ADAM22: variants seen among roughly 807,000 people sequenced by gnomAD.
ADAM22 encodes the protein ADAM metallopeptidase domain 22.
ADAM22 carries 65 observed loss-of-function variants against 144.6 expected under a neutral mutation model. That is an observed-to-expected ratio of 0.45 (90% CI 0.37 to 0.55). The LOEUF (loss-of-function observed/expected upper bound fraction) is 0.55, where lower values mean the gene tolerates loss of function less well. Ranked by LOEUF, ADAM22 falls within the 20% of genes least tolerant of loss-of-function variation. ADAM22 has a pLI of 0.00. For synonymous variants in ADAM22, 391 were observed against 412.6 expected, an observed-to-expected ratio of 0.95 and a Z score of 0.63; for missense variants, 974 against 1,184.9, an observed-to-expected ratio of 0.82 and a Z score of 2.61.
At chr7:87,996,806 T>C (rs1411852795) in intron 3 of ADAM22, among the ~76,000 whole-genome samples, 1 of 152,258 alleles carries the variant, frequency 6.6e-6, no homozygotes, top group Non-Finnish European at 1.5e-5. Context: ...GGCTCTATAC[T>C]ATTTACTAAC....
intron 2 of ADAM22, among the ~76,000 whole-genome samples, chr7:87,970,168 G>C (rs1850086639): frequency 6.6e-6 from 1 of 152,076 alleles, no homozygotes; most frequent in Non-Finnish European, 1.5e-5. Context: ...TCTTTTGCCA[G>C]AAGTTCTCAT....
At chr7:87,960,642 A>G (rs995681993) in intron 2 of ADAM22, among the ~76,000 whole-genome samples, 9 of 152,114 alleles carry the variant, frequency 5.9e-5, no homozygotes, top group African/African-American at 1.4e-4. Context: ...TTATCATTCT[A>G]TCTTTGAATA....
At chr7:87,975,908 A>T (rs1222113362) in intron 2 of ADAM22, among the ~76,000 whole-genome samples, 1 of 152,140 alleles carries the variant, frequency 6.6e-6, no homozygotes, top group Non-Finnish European at 1.5e-5. Flanking sequence ...TCTTCCCAAA[A>T]CACAGTTGTT....
chr7:88,092,375 TAA>T (rs1820135790), intron 4 of ADAM22, among the ~76,000 whole-genome samples: 1 of 152,202 alleles, frequency 6.6e-6, no homozygotes, highest in African/African-American at 2.4e-5. Flanking sequence ...AACAAACTGA[TAA>T]AGTGTTTATT....
chr7:88,069,100 T>G (rs1036388774), intron 3 of ADAM22, among the ~76,000 whole-genome samples: 1 of 151,846 alleles, frequency 6.6e-6, no homozygotes, highest in African/African-American at 2.4e-5. Flanking sequence ...GCTCTCCCCC[T>G]CTCTCTCTGG....
chr7:88,182,538 G>A (rs1249136811), intron 29 of ADAM22, among the ~76,000 whole-genome samples: 2 of 152,072 alleles, frequency 1.3e-5, no homozygotes, highest in Non-Finnish European at 2.9e-5. Context: ...TTTTCTATCT[G>A]AGAACATTTA....
chr7:88,027,663 TGAC>T (rs1427877420), intron 3 of ADAM22, among the ~76,000 whole-genome samples: 1 of 152,224 alleles, frequency 6.6e-6, no homozygotes, highest in African/African-American at 2.4e-5. Flanking sequence ...TTTGTTCTGA[TGAC>T]TATTTGTATT....
chr7:87,967,636 G>A (rs550341235), intron 2 of ADAM22, among the ~76,000 whole-genome samples: 15 of 151,612 alleles, frequency 9.9e-5, no homozygotes, highest in African/African-American at 2.7e-4. Context: ...GGTGAAACCC[G>A]TCTCTACTAA....
Position 88,181,552 on chromosome 7 carries a change from A to C in ADAM22, c.2543A>C (p.Lys848Thr), listed in dbSNP as rs1847026061. The change falls in exon 28 of 32, where the codon AAA becomes ACA. Residue 848 changes from lysine to threonine, a missense_variant. Physicochemically the swap from Lys to Thr is moderately conservative, Grantham distance 78. This residue lies in a region of ADAM22 where 734 missense variants were observed against 950.6 expected (regional missense o/e 0.77). Transcript: ENST00000413139. Reference protein sequence around the residue: ...HSWSERIPDTKHISDICENGR... With the variant: ...HSWSERIPDTTHISDICENGR... Reference sequence around the variant, plus strand: ...TGGAGTGAAAGGATTCCAGACACAAAACATATTTCAGACATCTGTGAAAAT... The same window carrying C: ...TGGAGTGAAAGGATTCCAGACACAACACATATTTCAGACATCTGTGAAAAT... The C allele has an allele frequency of 6.2e-7, 1 of 1,613,924 alleles. No homozygotes were observed. Among genetic ancestry groups the C allele is most frequent in the East Asian group, 2.2e-5 (1 of 44,876 alleles).
chr7:88,150,044 A>G (rs1409197498), intron 18 of ADAM22, among the ~76,000 whole-genome samples: 1 of 152,196 alleles, frequency 6.6e-6, no homozygotes, highest in African/African-American at 2.4e-5. Flanking sequence ...GTGAATGTGA[A>G]GTTTCTTGCT....
chr7:88,091,669 C>T (rs1181195117), intron 4 of ADAM22, among the ~76,000 whole-genome samples: 1 of 152,132 alleles, frequency 6.6e-6, no homozygotes, highest in Non-Finnish European at 1.5e-5. Flanking sequence ...GTTTAACTAA[C>T]TTGCCCAAGA....
intron 3 of ADAM22, among the ~76,000 whole-genome samples, chr7:87,991,512 G>A (rs1418464798): frequency 7.2e-5 from 11 of 151,878 alleles, no homozygotes; most frequent in Admixed American, 3.9e-4. Flanking sequence ...GACTACAGGC[G>A]CCCGCCACCG....
intron 3 of ADAM22, among the ~76,000 whole-genome samples, chr7:88,011,888 T>C (rs1795516220): frequency 6.6e-6 from 1 of 152,208 alleles, no homozygotes. Context: ...GTTTAGTCAT[T>C]AACTTTGGAA....
chr7:88,195,698 TAG>T (rs1463196518), intron 31 of ADAM22, among the ~76,000 whole-genome samples: 2 of 151,680 alleles, frequency 1.3e-5, no homozygotes, highest in Non-Finnish European at 2.9e-5. Flanking sequence ...TTTGTATTTT[TAG>T]TAAAGACGGG....
intron 3 of ADAM22, among the ~76,000 whole-genome samples, chr7:87,981,364 C>T (rs547073756): frequency 1.3e-5 from 2 of 152,258 alleles, no homozygotes; most frequent in South Asian, 4.1e-4. Flanking sequence ...TTTACAGATT[C>T]TCAGCTTCTT....
chr7:88,086,155 G>A (rs1248699404), intron 4 of ADAM22, among the ~76,000 whole-genome samples: 5 of 152,138 alleles, frequency 3.3e-5, no homozygotes, highest in South Asian at 4.1e-4. Context: ...CAGCCTGGGC[G>A]ACAGAGCAAG....
intron 3 of ADAM22, among the ~76,000 whole-genome samples, chr7:88,037,043 A>G (rs374673968): frequency 1.3e-5 from 2 of 152,146 alleles, no homozygotes; most frequent in East Asian, 3.8e-4. Context: ...GTTCCATAAT[A>G]TGCAAAAGAA....
At chr7:88,115,110 T>G (rs532549653) in intron 6 of ADAM22, among the ~76,000 whole-genome samples, 1 of 152,220 alleles carries the variant, frequency 6.6e-6, no homozygotes, top group Non-Finnish European at 1.5e-5. Flanking sequence ...CCAGGTGTGG[T>G]GGCATGCGCC....
At chr7:88,170,102 A>G (rs1843947133) in intron 25 of ADAM22, among the ~76,000 whole-genome samples, 1 of 151,958 alleles carries the variant, frequency 6.6e-6, no homozygotes. Flanking sequence ...TTCATTCCTC[A>G]ATATATACAC....
Sources: gnomAD v4.1 joint callset for allele counts (sites outside exome capture counted in the v4.1 genomes callset) on GRCh38, gnomAD v4.1.1 for gene constraint, gnomAD v4.1.1 regional missense constraint, MANE v1.5 for transcripts, NCBI Gene and HGNC (gene_info 2026-07-23, HGNC 2026-07-21) for gene names.